Variants in TNPO1 observed in about 807,000 individuals in gnomAD.
The protein encoded by TNPO1 is transportin 1, also known as transportin-1.
TNPO1 carries 8 observed loss-of-function variants against 119.5 expected under a neutral mutation model. The ratio of observed to expected loss-of-function variants is 0.07; its 90% CI spans 0.04 to 0.12. The LOEUF is 0.12. Among genes scored for constraint, TNPO1 ranks in the 10% least tolerant of loss-of-function variants. The pLI, the probability that TNPO1 is intolerant of heterozygous loss-of-function variation, is 1.00. For missense variants in TNPO1, 576 were observed against 1,089.8 expected, an observed-to-expected ratio of 0.53 and a Z score of 6.64; for synonymous variants, 362 against 363.0, an observed-to-expected ratio of 1.00 and a Z score of 0.03.
chr5:72,886,545 A>G (rs1036262531), intron 11 of TNPO1, among the ~76,000 whole-genome samples: 10 of 152,322 alleles, frequency 6.6e-5, no homozygotes, highest in Non-Finnish European at 1.0e-4. Context: ...TACAGAATAC[A>G]ATGTGTTCAC....
Position 72,908,985 on chromosome 5 carries a change from T to TA in TNPO1, c.*313dup. 1 of 425,226 alleles carries TA rather than the reference T, an allele frequency of 2.4e-6. No individual in the cohort carries two copies. Among genetic ancestry groups the TA allele is most frequent in the Non-Finnish European group, 4.7e-6 (1 of 213,434 alleles). The allele number at this position is 425,226 out of a possible 1,614,324, so 26.3% of individuals were successfully genotyped here. ...TCTATTCAGTCTACTCACAAAACAG[T>TA]ACATTGTGGAATATTATGGGGAATT... On this transcript the variant is annotated 3_prime_UTR_variant, in exon 25 of 25. Transcript: ENST00000337273.
At chr5:72,894,983 A>G (rs1749316285) in intron 18 of TNPO1, among the ~76,000 whole-genome samples, 1 of 152,154 alleles carries the variant, frequency 6.6e-6, no homozygotes, top group East Asian at 1.9e-4. Context: ...ACCTCCTATC[A>G]CCCAGCTTCA....
At chr5:72,868,171 G>T (rs531657384) in intron 6 of TNPO1, among the ~76,000 whole-genome samples, 2 of 151,620 alleles carry the variant, frequency 1.3e-5, no homozygotes, top group African/African-American at 4.8e-5. Context: ...GGTGGCTCAC[G>T]CCTGTAATCC....
intron 9 of TNPO1, among the ~76,000 whole-genome samples, chr5:72,879,953 T>C (rs1445514347): frequency 6.6e-6 from 1 of 152,082 alleles, no homozygotes. Flanking sequence ...TTTGGGAGCC[T>C]GAGGCAGGCA....
rs1333748388 is a variant in TNPO1, at chr5:72,911,333, T to G, written c.*2660T>G. ...TAGTCACTTGACTTTTTTTTTTTAT[T>G]TAAATGAAATTTAATTTGAAAATAG... On this transcript the variant is annotated 3_prime_UTR_variant, in exon 25 of 25. Transcript: ENST00000337273. The G allele has an allele frequency of 6.6e-6, 1 of 152,376 alleles. No homozygotes were observed. The highest frequency in any genetic ancestry group is 1.5e-5 in the Non-Finnish European group (1 of 67,944). The allele number at this position is 152,376 out of a possible 1,614,324, so 9.4% of individuals were successfully genotyped here.
At chr5:72,845,074 C>CTTTTT (rs111512326) in intron 1 of TNPO1, among the ~76,000 whole-genome samples, 67 of 142,530 alleles carry the variant, frequency 4.7e-4, no homozygotes, top group Admixed American at 2.7e-3. Context: ...GTTGAAATGC[C>CTTTTT]TTTTTTTTTT....
intron 10 of TNPO1, 40 bp downstream of exon 10, chr5:72,882,567 A>C (rs745577457): frequency 7.0e-7 from 1 of 1,432,536 alleles, no homozygotes; most frequent in Non-Finnish European, 9.7e-7. Flanking sequence ...CAAGATTTTT[A>C]TATTGACTTA....
rs1303250534 is a variant in TNPO1, at chr5:72,909,320, TAAAC to T, written c.*650_*653del. ...AGTTGGAAATAAAACAAAACAAACA[TAAAC>T]AATGAAGCACCCTGTGAAATGCCAA... On this transcript the variant is annotated 3_prime_UTR_variant, in exon 25 of 25. Coordinates refer to ENST00000337273, the MANE Select transcript of TNPO1 (RefSeq NM_002270.4). 6.7e-6 allele frequency: 1 copy of T among 148,450 alleles called. No homozygotes were observed. Among genetic ancestry groups the T allele is most frequent in the African/African-American group, 2.5e-5 (1 of 40,734 alleles). The allele number at this position is 148,450 out of a possible 1,614,324, so 9.2% of individuals were successfully genotyped here. A position where few individuals can be genotyped will look rare whatever the true frequency, so the allele number is the denominator to read the frequency against.
At position 72,887,038 on chromosome 5, in the gene TNPO1, A is replaced by G. The variant is rs568929158; in HGVS notation, c.1151-32A>G. On this transcript the variant is annotated intron_variant, in intron 11 of 24. Coordinates refer to ENST00000337273, the MANE Select transcript of TNPO1 (RefSeq NM_002270.4). ...ATAATATATAAGTAATAAGAGGTTAATGTAATATTTTTGAATTAAATATTT... is the reference window on the plus strand; with the variant it reads ...ATAATATATAAGTAATAAGAGGTTAGTGTAATATTTTTGAATTAAATATTT... The G allele has an allele frequency of 1.8e-5, 28 of 1,586,128 alleles. No individual in the cohort carries two copies. The South Asian group carries it at 3.0e-4, about 17-fold the overall frequency.
chr5:72,906,264 C>CTTTTTTTTTCTTTTTTTT (rs1561365743), intron 24 of TNPO1, among the ~76,000 whole-genome samples: 1 of 90,274 alleles, frequency 1.1e-5, no homozygotes, highest in Admixed American at 1.6e-4. Flanking sequence ...GTGCCCATCA[C>CTTTTTTTTTCTTTTTTTT]TTTTTTTTTT....
intron 24 of TNPO1, among the ~76,000 whole-genome samples, chr5:72,908,382 C>G (rs1750323200): frequency 6.6e-6 from 1 of 152,032 alleles, no homozygotes; most frequent in South Asian, 2.1e-4. Flanking sequence ...CCATTGGGTC[C>G]CATTTTGCAA....
chr5:72,854,939 A>C (rs1191082721), intron 3 of TNPO1, among the ~76,000 whole-genome samples: 1 of 152,156 alleles, frequency 6.6e-6, no homozygotes, highest in Non-Finnish European at 1.5e-5. Context: ...TTCTTTGTCC[A>C]CTTAATTTTT....
chr5:72,875,481 C>G (rs1042094406), intron 7 of TNPO1, 134 bp from the exon 8 acceptor site: 2 of 758,542 alleles, frequency 2.6e-6, no homozygotes, highest in African/African-American at 3.5e-5. Context: ...TTCTTGTAAT[C>G]TAATATTGTA....
intron 6 of TNPO1, among the ~76,000 whole-genome samples, chr5:72,868,722 T>G (rs1747145130): frequency 6.6e-6 from 1 of 151,986 alleles, no homozygotes; most frequent in Non-Finnish European, 1.5e-5. Flanking sequence ...ATTGGAGTGT[T>G]TGAGGCTTTT....
chr5:72,832,517 A>G (rs555382020), intron 1 of TNPO1, among the ~76,000 whole-genome samples: 1 of 152,258 alleles, frequency 6.6e-6, no homozygotes, highest in Non-Finnish European at 1.5e-5. Flanking sequence ...ATATTTGTCA[A>G]CAGTGGTACC....
At chr5:72,893,738 T>C (rs757469630) in intron 18 of TNPO1, 35 bp downstream of exon 18, 1 of 1,572,958 alleles carries the variant, frequency 6.4e-7, no homozygotes. Context: ...AATATGGTTT[T>C]TTAAAGTTAA....
chr5:72,862,907 C>T (rs1022060787), intron 5 of TNPO1, among the ~76,000 whole-genome samples: 7 of 152,054 alleles, frequency 4.6e-5, no homozygotes, highest in African/African-American at 1.4e-4. Flanking sequence ...CTCAACCTCC[C>T]AAAGTGTTAG....
At chr5:72,874,088 G>A (rs1018864752) in intron 7 of TNPO1, among the ~76,000 whole-genome samples, 1 of 152,026 alleles carries the variant, frequency 6.6e-6, no homozygotes, top group Non-Finnish European at 1.5e-5. Context: ...CAGCAAGTGA[G>A]GCAGAAACAT....
chr5:72,884,951 G>C (rs1214209780), intron 11 of TNPO1, among the ~76,000 whole-genome samples: 1 of 152,208 alleles, frequency 6.6e-6, no homozygotes, highest in Non-Finnish European at 1.5e-5. Context: ...CTAGTTCAAA[G>C]TGTTGGGATT....
Sources: allele counts gnomAD v4.1 joint callset (sites outside exome capture counted in the v4.1 genomes callset), GRCh38; gene constraint gnomAD v4.1.1; transcripts MANE v1.5; gene names NCBI Gene and HGNC (gene_info 2026-07-23, HGNC 2026-07-21).